MTA3: variants seen among roughly 807,000 people sequenced by gnomAD.
The protein encoded by MTA3 is metastasis associated 1 family member 3.
In MTA3, 34 loss-of-function variants were observed where a neutral mutation model predicts 83.5. The ratio of observed to expected loss-of-function variants is 0.41; its 90% CI spans 0.31 to 0.54. MTA3 has a LOEUF of 0.54. Among genes scored for constraint, MTA3 ranks in the 20% least tolerant of loss-of-function variants. The pLI, the probability that MTA3 is intolerant of heterozygous loss-of-function variation, is 0.33. For synonymous variants in MTA3, 303 were observed against 252.7 expected, an observed-to-expected ratio of 1.20 and a Z score of -1.89; for missense variants, 761 against 726.4, an observed-to-expected ratio of 1.05 and a Z score of -0.55.
rs368811957 is a variant in MTA3, at chr2:42,632,351, A to G, written c.318-7822A>G. On this transcript the variant is annotated intron_variant, in intron 4 of 16. Transcript: ENST00000405094. ...ATGATCCGCCCACCTCGGCCTCCCA[A>G]AGTGCTGGGATTACAGGCTTGAGCC... 3.2e-4 allele frequency among the ~76,000 whole-genome samples: 49 copies of G among 152,140 alleles called. No individual in the cohort carries two copies. In the East Asian group the frequency reaches 5.2e-3, roughly 16 times the overall value.
intron 2 of MTA3, among the ~76,000 whole-genome samples, chr2:42,516,703 A>T (rs1180635202): frequency 6.6e-6 from 1 of 152,242 alleles, no homozygotes. Context: ...TTAGATATAT[A>T]GAGAAAACAA....
rs138291696 is a variant in MTA3 at position 42,637,031 on chromosome 2, C to T, written c.318-3142C>T. ...GTCTGTAGGATTATATGGGACATAC[C>T]ATTAAGCAAGTAGCAGATTCCAGGC... On this transcript the variant is annotated intron_variant, in intron 4 of 16. Coordinates refer to ENST00000405094, the MANE Select transcript of MTA3 (RefSeq NM_001330442.2). 6.3e-4 allele frequency among the ~76,000 whole-genome samples: 96 copies of T among 152,268 alleles called. 2 individuals are homozygous for T. In the East Asian group the frequency reaches 0.01, roughly 16 times the overall value.
chr2:42,528,400 A>G (rs1402352589), intron 2 of MTA3, among the ~76,000 whole-genome samples: 1 of 151,144 alleles, frequency 6.6e-6, no homozygotes, highest in Non-Finnish European at 1.5e-5. Context: ...TTGTATTTTT[A>G]GTAGAGATGG....
intron 3 of MTA3, among the ~76,000 whole-genome samples, chr2:42,605,659 G>C (rs1301813967): frequency 1.8e-5 from 2 of 111,794 alleles, no homozygotes; most frequent in Non-Finnish European, 3.8e-5. Flanking sequence ...CTGGCCGGGC[G>C]GGGGGCTGAC....
At chr2:42,710,151 A>G (rs1666476443) in intron 14 of MTA3, among the ~76,000 whole-genome samples, 1 of 152,226 alleles carries the variant, frequency 6.6e-6, no homozygotes, top group South Asian at 2.1e-4. Context: ...AATAAAAGGA[A>G]TGATGACTGA....
chr2:42,712,001 C>T (rs1279487103), intron 14 of MTA3, among the ~76,000 whole-genome samples: 1 of 152,000 alleles, frequency 6.6e-6, no homozygotes, highest in Non-Finnish European at 1.5e-5. Flanking sequence ...ATTAGTTCTT[C>T]CCTGTGAGCT....
intron 8 of MTA3, among the ~76,000 whole-genome samples, chr2:42,668,565 GTTA>G (rs1376983132): frequency 6.6e-6 from 1 of 152,158 alleles, no homozygotes; most frequent in East Asian, 1.9e-4. Flanking sequence ...AATATTAGTT[GTTA>G]TTGTTGAGAA....
At chr2:42,583,274 T>G (rs190621727) in intron 3 of MTA3, among the ~76,000 whole-genome samples, 37 of 152,306 alleles carry the variant, frequency 2.4e-4, no homozygotes, top group African/African-American at 8.9e-4. Context: ...TTTGTTGATT[T>G]TACTTTCAAA....
intron 2 of MTA3, among the ~76,000 whole-genome samples, chr2:42,558,769 G>C (rs1677521638): frequency 6.6e-6 from 1 of 151,246 alleles, no homozygotes; most frequent in African/African-American, 2.4e-5. Context: ...TGCCCAGGCT[G>C]GTCTCAAACT....
chr2:42,526,355 G>A (rs371182734), intron 2 of MTA3, among the ~76,000 whole-genome samples: 51 of 152,238 alleles, frequency 3.4e-4, no homozygotes, highest in African/African-American at 1.2e-3. Flanking sequence ...GCATGCCACC[G>A]AGGCCGATTG....
intron 2 of MTA3, among the ~76,000 whole-genome samples, chr2:42,511,230 C>T (rs988086810): frequency 4.6e-5 from 7 of 152,040 alleles, no homozygotes; most frequent in Non-Finnish European, 1.0e-4. Context: ...TTGATATACT[C>T]TTCAACAGTA....
At chr2:42,590,507 G>T (rs1221475232) in intron 3 of MTA3, among the ~76,000 whole-genome samples, 1 of 151,840 alleles carries the variant, frequency 6.6e-6, no homozygotes, top group Non-Finnish European at 1.5e-5. Flanking sequence ...CATTAGAATT[G>T]TGAGCCAAAT....
chr2:42,726,668 C>G (rs1025468425), intron 16 of MTA3, among the ~76,000 whole-genome samples: 4 of 152,102 alleles, frequency 2.6e-5, no homozygotes, highest in East Asian at 3.9e-4. Context: ...TGAATTTGGG[C>G]TAGCAGAAAG....
At position 42,628,245 on chromosome 2, in the gene MTA3, T is replaced by TA. The variant is rs368201165; in HGVS notation, c.318-11928_318-11927insA. On this transcript the variant is annotated intron_variant, in intron 4 of 16. Transcript: ENST00000405094. ...TTATTTATTTATTTATTTATTTATT[T>TA]TTGAGATGGAGTTTTGCTCTTGTCA... Among the ~76,000 whole-genome samples, 710 of 147,632 alleles carry TA rather than the reference T, an allele frequency of 4.8e-3. 8 individuals carry two copies. The highest frequency in any genetic ancestry group is 6.4e-3 in the Non-Finnish European group (424 of 66,552).
At chr2:42,738,847 C>A (rs955583810) in intron 16 of MTA3, among the ~76,000 whole-genome samples, 1 of 152,164 alleles carries the variant, frequency 6.6e-6, no homozygotes, top group Non-Finnish European at 1.5e-5. Context: ...GAAATAAACT[C>A]CAGTCTCCCA....
rs1670047437 is a variant in MTA3 at position 42,753,663 on chromosome 2, G to A, written c.*264G>A. ...GAGCGAGACCTGCTGAGAATTGAGG[G>A]GCTGAGGGAACCCCTCCACCTCCTC... On this transcript the variant is annotated 3_prime_UTR_variant, in exon 17 of 17. Transcript: ENST00000405094. 7.7e-7 allele frequency: 1 copy of A among 1,305,048 alleles called. No individual in the cohort carries two copies. Among genetic ancestry groups the A allele is most frequent in the Admixed American group, 3.6e-5 (1 of 27,960 alleles). The allele number at this position is 1,305,048 out of a possible 1,614,324, so 80.8% of individuals were successfully genotyped here.
At chr2:42,726,643 T>C (rs1005198351) in intron 16 of MTA3, among the ~76,000 whole-genome samples, 1 of 152,104 alleles carries the variant, frequency 6.6e-6, no homozygotes, top group African/African-American at 2.4e-5. Context: ...TTCTTGATGA[T>C]GGGAAAGGAG....
intron 9 of MTA3, among the ~76,000 whole-genome samples, chr2:42,693,376 A>G (rs567725514): frequency 9.8e-5 from 15 of 152,306 alleles, no homozygotes; most frequent in Non-Finnish European, 1.5e-4. Context: ...TCTGAGAACC[A>G]GGGATTGGAG....
chr2:42,595,106 A>ATT lies in MTA3; in HGVS notation c.191-14332_191-14331dup, dbSNP rs67598721. Among the ~76,000 whole-genome samples, 324 of 77,044 alleles carry ATT rather than the reference A, an allele frequency of 4.2e-3. 28 individuals are homozygous for ATT. Among genetic ancestry groups the ATT allele is most frequent in the African/African-American group, 0.013 (250 of 18,692 alleles). 50.5% of individuals were successfully genotyped at this position (77,044 alleles called of 152,430 possible). A position where few individuals can be genotyped will look rare whatever the true frequency, so the allele number is the denominator to read the frequency against. On this transcript the variant is annotated intron_variant, in intron 3 of 16. Coordinates refer to ENST00000405094, the MANE Select transcript of MTA3 (RefSeq NM_001330442.2). ...GGTAGTAAGGCTAAACAGGAGCTTC[A>ATT]TTTTTTTTTTTTTTTTTTTTTGAGA... is the stretch of plus-strand genomic sequence containing the variant.
Sources: gnomAD v4.1 joint callset for allele counts (sites outside exome capture counted in the v4.1 genomes callset) on GRCh38, gnomAD v4.1.1 for gene constraint, MANE v1.5 for transcripts, NCBI Gene and HGNC (gene_info 2026-07-23, HGNC 2026-07-21) for gene names.